Variants in CFAP74 observed in about 807,000 individuals in gnomAD.
CFAP74 encodes cilia- and flagella-associated protein 74.
Under a neutral mutation model 188.9 loss-of-function variants are expected in CFAP74, and 124 were observed. The ratio of observed to expected loss-of-function variants is 0.66; its 90% CI spans 0.57 to 0.76. The LOEUF is 0.76. CFAP74 is among the 30% of genes least tolerant of loss of function. CFAP74 has a pLI of 0.00. For synonymous variants in CFAP74, 956 were observed against 916.7 expected (o/e 1.04, Z -0.77); for missense variants, 2,198 against 2,165.2 (o/e 1.02, Z -0.30).
intron 8 of CFAP74, among the ~76,000 whole-genome samples, 199 bp from the exon 9 acceptor site, chr1:1,972,281 T>C (rs1055006346): frequency 6.6e-6 from 1 of 152,112 alleles, no homozygotes; most frequent in African/African-American, 2.4e-5. Context: ...AGCGATGCCG[T>C]GTGGGGTGTT....
intron 20 of CFAP74, among the ~76,000 whole-genome samples, chr1:1,945,249 G>C (rs1299431564): frequency 1.3e-5 from 2 of 152,158 alleles, no homozygotes; most frequent in Non-Finnish European, 2.9e-5. Context: ...AGAGGTTGCA[G>C]TGAGCCAAGA....
chr1:1,955,528 G>C, intron 18 of CFAP74, 163 bp downstream of exon 18: 1 of 1,609,982 alleles, frequency 6.2e-7, no homozygotes, highest in Non-Finnish European at 8.5e-7. Flanking sequence ...ACAACACTTA[G>C]TGGCACATAA....
At chr1:1,972,253 T>A (rs975511514) in intron 8 of CFAP74, among the ~76,000 whole-genome samples, 171 bp from the exon 9 acceptor site, 1 of 152,224 alleles carries the variant, frequency 6.6e-6, no homozygotes, top group African/African-American at 2.4e-5. Flanking sequence ...GCCACATTTT[T>A]AACCGAGGAA....
chr1:1,927,845 C>T, intron 27 of CFAP74, 99 bp from the exon 28 acceptor site: 1 of 1,385,494 alleles, frequency 7.2e-7, no homozygotes, highest in Non-Finnish European at 9.7e-7. Flanking sequence ...ACCGCGGGAG[C>T]CGCAGTTGGG....
At chr1:1,957,666 G>C (rs1208250698) in intron 16 of CFAP74, among the ~76,000 whole-genome samples, 1 of 152,200 alleles carries the variant, frequency 6.6e-6, no homozygotes, top group Non-Finnish European at 1.5e-5. Context: ...GCCTCGCCGG[G>C]CACGTGCTCC....
In CFAP74 at chr1:1,970,787, G is replaced by A. The variant is rs761221187; in HGVS notation, c.918C>T (p.Asp306=). The A allele has an allele frequency of 6.8e-6, 11 of 1,614,030 alleles. No individual in the cohort carries two copies. Among genetic ancestry groups the A allele is most frequent in the Admixed American group, 3.3e-5 (2 of 59,996 alleles). ...GCTCCGCCAGCTCTGCCTTGGCACG[G>A]TCCCATGCTTGGAACTTCCGCAGTG... ...RDTLRKFQAW[D]RAKAELAEQR... The change falls in exon 10 of 39, where the codon GAC becomes GAT. Residue 306 remains aspartate (D), a synonymous_variant. Transcript: ENST00000682832.
At chr1:1,952,140 A>G (rs2102057247) in intron 18 of CFAP74, among the ~76,000 whole-genome samples, 1 of 151,752 alleles carries the variant, frequency 6.6e-6, no homozygotes, top group South Asian at 2.1e-4. Flanking sequence ...TTCAGTAGAG[A>G]TGGGGTTTCA....
At chr1:1,979,880 A>G (rs7553352) in intron 6 of CFAP74, among the ~76,000 whole-genome samples, 38,258 of 54,792 alleles carry the variant, frequency 0.7, 15,071 homozygotes, top group African/African-American at 0.94. Context: ...CGCAGAACAC[A>G]CGTGTCGTGC....
intron 1 of CFAP74, among the ~76,000 whole-genome samples, chr1:1,993,845 G>A (rs560861001): frequency 0.014 from 2,065 of 151,126 alleles, 23 homozygotes; most frequent in Non-Finnish European, 0.022. Flanking sequence ...AGCCGGGCGT[G>A]GTGGCGGGCG....
intron 1 of CFAP74, among the ~76,000 whole-genome samples, chr1:1,995,436 G>C (rs369865805): frequency 6.6e-6 from 1 of 151,276 alleles, no homozygotes; most frequent in African/African-American, 2.4e-5. Flanking sequence ...AGGTTGCAGT[G>C]AGCTGAGATC....
intron 6 of CFAP74, among the ~76,000 whole-genome samples, chr1:1,981,137 T>G (rs1656815543): frequency 6.6e-6 from 1 of 152,186 alleles, no homozygotes; most frequent in South Asian, 2.1e-4. Flanking sequence ...TTCTGTGCTC[T>G]CTCCGTTGGG....
chr1:1,923,740 C>T lies in CFAP74; in HGVS notation c.4389+35G>A, dbSNP rs565092766. 78 of 1,612,640 alleles carry T rather than the reference C, an allele frequency of 4.8e-5. No homozygotes were observed. The highest frequency in any genetic ancestry group is 6.6e-5 in the South Asian group (6 of 91,062). On this transcript the variant is annotated intron_variant, in intron 35 of 38. Transcript: ENST00000682832. The surrounding 1 kb of genome is among the most constrained non-coding windows in gnomAD (Gnocchi z 6.3). ...GCAAGGCCCTGCGTGGGGCCAGGGC[C>T]GGGCCGGGCTGAGCTTGCAGAGCCA...
chr1:1,978,809 C>A (rs1656609455), intron 6 of CFAP74, among the ~76,000 whole-genome samples: 1 of 152,246 alleles, frequency 6.6e-6, no homozygotes, highest in Non-Finnish European at 1.5e-5. Flanking sequence ...CGGGTGCAGT[C>A]AGGGAAGCCT....
At chr1:1,998,989 T>C (rs1157550693) in intron 1 of CFAP74, among the ~76,000 whole-genome samples, 2 of 152,240 alleles carry the variant, frequency 1.3e-5, no homozygotes, top group South Asian at 2.1e-4. Context: ...TCCTTCCAGA[T>C]TGCTCTATAG....
Position 1,925,810 on chromosome 1 carries a change from G to C in CFAP74, c.4077C>G (p.Ala1359=), listed in dbSNP as rs556102638. The C allele has an allele frequency of 1.2e-6, 2 of 1,612,464 alleles. No individual in the cohort carries two copies. Among genetic ancestry groups the C allele is most frequent in the Non-Finnish European group, 1.7e-6 (2 of 1,179,866 alleles). Residue 1359 remains alanine (A), a synonymous_variant, in exon 33 of 39, where the codon GCC becomes GCG. Coordinates refer to ENST00000682832, the MANE Select transcript of CFAP74 (RefSeq NM_001304360.2). ...GSVLNMGYVI[A]GESVSSGFKL... is the part of the protein sequence containing the mutation. ...TGAAGCCTGAGGACACAGACTCTCCGGCAATCACATAGCCCATGTTGAGGA... is the reference window on the plus strand; with the variant it reads ...TGAAGCCTGAGGACACAGACTCTCCCGCAATCACATAGCCCATGTTGAGGA...
intron 18 of CFAP74, chr1:1,954,898 G>A: frequency 8.8e-7 from 1 of 1,137,728 alleles, no homozygotes; most frequent in South Asian, 1.7e-5. Context: ...CCAAGGGGCA[G>A]TGCAGAACGG....
rs1323421443 is a variant in CFAP74, at chr1:1,975,555, C to T, written c.501-1357G>A. On this transcript the variant is annotated intron_variant, in intron 6 of 38. Coordinates refer to ENST00000682832, the MANE Select transcript of CFAP74 (RefSeq NM_001304360.2). This position sits in a 1 kb window ranked among gnomAD's most constrained non-coding sequence, Gnocchi z 4.5. ...AGGTTGTGTCACTGCATTTTAGAAA[C>T]TGGGCATACCATGTTCTTTGTTGGG... Among the ~76,000 whole-genome samples, 1 of 152,276 alleles carries T rather than the reference C, an allele frequency of 6.6e-6. No individual in the cohort carries two copies. The highest frequency in any genetic ancestry group is 2.1e-4 in the South Asian group (1 of 4,826).
chr1:1,983,278 G>C (rs950599311), intron 6 of CFAP74, among the ~76,000 whole-genome samples: 6 of 152,244 alleles, frequency 3.9e-5, no homozygotes, highest in African/African-American at 1.4e-4. Context: ...CGTGTGAAAG[G>C]GGACACGGAG....
chr1:1,996,129 C>A (rs986867637), intron 1 of CFAP74, among the ~76,000 whole-genome samples: 6 of 151,998 alleles, frequency 3.9e-5, no homozygotes, highest in African/African-American at 1.4e-4. Context: ...GGATTACAGG[C>A]ACAGGCCACC....
Sources: allele counts gnomAD v4.1 joint callset (sites outside exome capture counted in the v4.1 genomes callset), GRCh38; gene constraint gnomAD v4.1.1; non-coding constraint Gnocchi (gnomAD v3.1); transcripts MANE v1.5; gene names NCBI Gene and HGNC (gene_info 2026-07-23, HGNC 2026-07-21).